RAB38: variants seen among roughly 807,000 people sequenced by gnomAD.
RAB38 encodes RAB38, member RAS oncogene family.
A neutral mutation model predicts 18.4 loss-of-function variants in RAB38; 15 were observed. The observed-to-expected ratio is 0.82, with a 90% CI of 0.55 to 1.26. RAB38 has a LOEUF of 1.26. Ranked by LOEUF, RAB38 falls within the 50% of genes most tolerant of loss-of-function variation. The pLI is 0.00. For missense variants in RAB38, 294 were observed against 267.4 expected (o/e 1.10, Z -0.69); for synonymous variants, 101 against 104.4 (o/e 0.97, Z 0.20).
At chr11:87,932,991 G>C in the RAB38 span, among the ~76,000 whole-genome samples, 73,382 of 151,858 alleles carry the variant, frequency 0.48, 18,659 homozygotes, top group African/African-American at 0.64. Flanking sequence ...TATATTTTCT[G>C]AAGAGCCCTA....
chr11:88,043,821 G>A, the RAB38 span, among the ~76,000 whole-genome samples: 1 of 152,146 alleles, frequency 6.6e-6, no homozygotes, highest in South Asian at 2.1e-4. Context: ...CCATGGCTGG[G>A]ATCAGGGGAC....
chr11:87,972,677 C>T, the RAB38 span, among the ~76,000 whole-genome samples: 4 of 152,018 alleles, frequency 2.6e-5, no homozygotes, highest in African/African-American at 4.8e-5. Context: ...GTCTTTGCAA[C>T]GAAGTTTCCA....
At chr11:87,945,812 C>T in the RAB38 span, among the ~76,000 whole-genome samples, 1 of 152,128 alleles carries the variant, frequency 6.6e-6, no homozygotes, top group African/African-American at 2.4e-5. Flanking sequence ...CCCTGCTACA[C>T]TTGGCGTCTG....
At position 88,126,692 on chromosome 11, in the gene RAB38, AAGT is replaced by A. The variant is rs574341696; in HGVS notation, c.484-12555_484-12553del. Among the ~76,000 whole-genome samples the A allele has an allele frequency of 5.7e-3, 425 of 74,608 alleles. 2 individuals carry two copies. Among genetic ancestry groups the A allele is most frequent in the African/African-American group, 0.022 (392 of 18,122 alleles). The allele number at this position is 74,608 out of a possible 152,430, so 48.9% of individuals were successfully genotyped here. A position where few individuals can be genotyped will look rare whatever the true frequency, so the allele number is the denominator to read the frequency against. ...TTGTGCACATGTACCCTAAAACTTA[AAGT>A]ATAATAATAAAAAAAAAAAGAAAGA... On this transcript the variant is annotated intron_variant, in intron 2 of 2. Coordinates refer to ENST00000243662, the MANE Select transcript of RAB38 (RefSeq NM_022337.3).
At chr11:88,175,047 A>G in intron 1 of RAB38, 136 bp downstream of exon 1, 2 of 1,108,422 alleles carry the variant, frequency 1.8e-6, no homozygotes, top group Non-Finnish European at 2.5e-6. Flanking sequence ...TTTGAAACTA[A>G]GTTTCCAGCC....
the RAB38 span, among the ~76,000 whole-genome samples, chr11:87,892,572 A>T: frequency 1.3e-5 from 2 of 151,786 alleles, no homozygotes; most frequent in Non-Finnish European, 2.9e-5. Flanking sequence ...AGCATAGCCA[A>T]TCAAGCTCTA....
the RAB38 span, among the ~76,000 whole-genome samples, chr11:88,049,462 C>T: frequency 2.1e-4 from 32 of 152,016 alleles, no homozygotes; most frequent in South Asian, 3.8e-3. Context: ...ATAACCCCCC[C>T]GATTTGACTG....
chr11:88,138,525 G>T (rs934396706), intron 2 of RAB38, among the ~76,000 whole-genome samples: 40 of 152,170 alleles, frequency 2.6e-4, no homozygotes, highest in Non-Finnish European at 4.4e-4. Context: ...ACACAGAGAA[G>T]TAAAAAGAAA....
At chr11:87,860,509 G>A in the RAB38 span, among the ~76,000 whole-genome samples, 1 of 151,892 alleles carries the variant, frequency 6.6e-6, no homozygotes. Context: ...GATAAAGTGA[G>A]ATATTTACTT....
chr11:87,824,626 A>G, the RAB38 span, among the ~76,000 whole-genome samples: 2 of 152,176 alleles, frequency 1.3e-5, no homozygotes, highest in East Asian at 1.9e-4. Flanking sequence ...GCTTCTGGAA[A>G]TTTAAAATGA....
At chr11:88,044,111 T>C in the RAB38 span, among the ~76,000 whole-genome samples, 1 of 152,190 alleles carries the variant, frequency 6.6e-6, no homozygotes, top group Admixed American at 6.5e-5. Flanking sequence ...ATCCATGGAC[T>C]CAAAACTCTG....
intron 1 of RAB38, chr11:88,166,995 A>T (rs1342044261): frequency 6.6e-6 from 1 of 152,168 alleles, no homozygotes; most frequent in Non-Finnish European, 1.5e-5. Flanking sequence ...CACATGTCCA[A>T]ATACTATGTT....
chr11:87,918,156 T>C, the RAB38 span, among the ~76,000 whole-genome samples: 2 of 152,112 alleles, frequency 1.3e-5, no homozygotes, highest in Non-Finnish European at 2.9e-5. Flanking sequence ...TTTCTTTTTA[T>C]GCTTGGCTTA....
chr11:87,901,047 C>T, the RAB38 span, among the ~76,000 whole-genome samples: 1 of 151,588 alleles, frequency 6.6e-6, no homozygotes, highest in African/African-American at 2.4e-5. Flanking sequence ...TTACATCCAG[C>T]ATCAGCTAAA....
At chr11:87,965,043 T>G in the RAB38 span, among the ~76,000 whole-genome samples, 1 of 152,198 alleles carries the variant, frequency 6.6e-6, no homozygotes, top group African/African-American at 2.4e-5. Flanking sequence ...TATATGGGAT[T>G]GTTTTGTGCA....
At chr11:87,931,519 T>G in the RAB38 span, among the ~76,000 whole-genome samples, 149 of 152,184 alleles carry the variant, frequency 9.8e-4, no homozygotes, top group African/African-American at 3.4e-3. Flanking sequence ...GAGAAATCAC[T>G]TGTTCTTTCA....
the RAB38 span, among the ~76,000 whole-genome samples, chr11:87,950,215 C>T: frequency 1.3e-5 from 2 of 152,228 alleles, no homozygotes; most frequent in East Asian, 1.9e-4. Flanking sequence ...GCAACCCCTG[C>T]CTTTTTTTAT....
the RAB38 span, among the ~76,000 whole-genome samples, chr11:87,935,043 G>A: frequency 6.6e-6 from 1 of 152,030 alleles, no homozygotes; most frequent in East Asian, 1.9e-4. Flanking sequence ...CAAGCACTTC[G>A]GGAAGGGCGG....
the RAB38 span, among the ~76,000 whole-genome samples, chr11:88,029,308 G>A: frequency 6.6e-6 from 1 of 151,690 alleles, no homozygotes; most frequent in Non-Finnish European, 1.5e-5. Flanking sequence ...AGACTAGGAA[G>A]AAACTGCATC....
Sources: gnomAD v4.1 joint callset for allele counts (sites outside exome capture counted in the v4.1 genomes callset) on GRCh38, gnomAD v4.1.1 for gene constraint, MANE v1.5 for transcripts, NCBI Gene and HGNC (gene_info 2026-07-23, HGNC 2026-07-21) for gene names.